ANKRD24: variants seen among roughly 807,000 people sequenced by gnomAD.
The protein encoded by ANKRD24 is ankyrin repeat domain-containing protein 24.
Under a neutral mutation model 127.8 loss-of-function variants are expected in ANKRD24, and 109 were observed. The observed-to-expected ratio is 0.85, with a 90% CI of 0.73 to 1.00. ANKRD24 has a LOEUF of 1.00. Ranked by LOEUF, ANKRD24 falls within the 50% of genes least tolerant of loss-of-function variation. ANKRD24 has a pLI of 0.00. For missense variants in ANKRD24, 1,648 were observed against 1,570.2 expected, an observed-to-expected ratio of 1.05 and a Z score of -0.84; for synonymous variants, 743 against 671.1, an observed-to-expected ratio of 1.11 and a Z score of -1.66.
intron 2 of ANKRD24, among the ~76,000 whole-genome samples, chr19:4,194,212 G>C (rs1968566956): frequency 6.6e-6 from 1 of 152,168 alleles, no homozygotes; most frequent in African/African-American, 2.4e-5. Context: ...ACCCAGGCTG[G>C]AGTGCTCTCA....
chr19:4,217,557 A>C lies in ANKRD24; in HGVS notation c.2397A>C (p.Arg799=), dbSNP rs1469445740. The change falls in exon 18 of 22, where the codon CGA becomes CGC. Residue 799 remains arginine, a synonymous_variant. Transcript: ENST00000318934. ...TGGAGCAGGCCCGGGAGGACCTCCG[A>C]GACCGGGACTCCCGCCTGCGGGAGC... ...AALEQAREDL[R]DRDSRLRELE... 8.4e-6 allele frequency: 11 copies of C among 1,316,110 alleles called. No individual in the cohort carries two copies. The highest frequency in any genetic ancestry group is 8.7e-6 in the Non-Finnish European group (9 of 1,037,526). 81.5% of individuals were successfully genotyped at this position (1,316,110 alleles called of 1,614,324 possible).
rs187701881 is a variant in ANKRD24 at position 4,187,461 on chromosome 19, T to G, written c.36+1000T>G. Among the ~76,000 whole-genome samples the G allele has an allele frequency of 3.1e-3, 476 of 152,090 alleles. 3 individuals carry two copies. The highest frequency in any genetic ancestry group is 0.011 in the African/African-American group (453 of 41,498). On this transcript the variant is annotated intron_variant, in intron 2 of 21. Transcript: ENST00000318934. ...GGGAAGGGGAGTGGGGGAGAGAGTT[T>G]GCAGGAATTGCATTCCAAGTGGCTG...
chr19:4,190,423 C>CG (rs1484271177), intron 2 of ANKRD24, among the ~76,000 whole-genome samples: 11 of 144,270 alleles, frequency 7.6e-5, no homozygotes, highest in African/African-American at 2.8e-4. Flanking sequence ...GACTCCGTCT[C>CG]GAAAAAAAAA....
chr19:4,202,529 C>T (rs949340088), intron 6 of ANKRD24, among the ~76,000 whole-genome samples: 2 of 152,082 alleles, frequency 1.3e-5, no homozygotes, highest in African/African-American at 4.8e-5. Context: ...GAGATCATGC[C>T]ATTGCACTCC....
intron 2 of ANKRD24, among the ~76,000 whole-genome samples, chr19:4,186,808 G>A (rs2145209753): frequency 6.6e-6 from 1 of 152,214 alleles, no homozygotes; most frequent in South Asian, 2.1e-4. Flanking sequence ...CTTTCCCGAG[G>A]ATCCTGATCT....
chr19:4,202,115 ACTCC>A, intron 6 of ANKRD24, 25 bp downstream of exon 6: 1 of 1,608,126 alleles, frequency 6.2e-7, no homozygotes, highest in South Asian at 1.1e-5. Flanking sequence ...TATCTCAGCT[ACTCC>A]CTTGGCCCCT....
chr19:4,202,133 A>G (rs751361619), intron 6 of ANKRD24, 43 bp downstream of exon 6: 82 of 1,564,768 alleles, frequency 5.2e-5, no homozygotes, highest in Non-Finnish European at 6.9e-5. Context: ...GGCCCCTACT[A>G]CTCCTGAGTT....
intron 7 of ANKRD24, 138 bp from the exon 8 acceptor site, chr19:4,207,100 TTTTG>T (rs1295592952): frequency 1.3e-5 from 7 of 543,946 alleles, no homozygotes; most frequent in Admixed American, 3.2e-5. Flanking sequence ...TTTTTTTTTT[TTTTG>T]TAGAGACAGG....
chr19:4,216,664 C>T lies in ANKRD24; in HGVS notation c.1504C>T (p.Gln502Ter), dbSNP rs1179696353. The stretch of plus-strand genomic sequence containing the variant: ...GGCCGAGTTTGACCAGCTACGCAGG[C>T]AGCACGCTGAGGCCCTGCAGGCCCT... ...LRAEFDQLRR[Q>*]HAEALQALRQ... The change falls in exon 18 of 22, where the codon CAG becomes TAG. Residue 502 changes from glutamine (Q) to a stop codon, truncating the protein, a stop_gained. Coordinates refer to ENST00000318934, the MANE Select transcript of ANKRD24 (RefSeq NM_001393985.1). LOFTEE classifies it high-confidence loss of function. The T allele has an allele frequency of 6.3e-7, 1 of 1,598,786 alleles. No homozygotes were observed. Among genetic ancestry groups the T allele is most frequent in the East Asian group, 2.3e-5 (1 of 44,276 alleles).
intron 15 of ANKRD24, among the ~76,000 whole-genome samples, 183 bp downstream of exon 15, chr19:4,212,881 C>T (rs944832416): frequency 1.3e-5 from 2 of 152,206 alleles, no homozygotes; most frequent in African/African-American, 2.4e-5. Flanking sequence ...GCCTGTCATC[C>T]CAGCACTTTG....
In ANKRD24 at chr19:4,199,688, G is replaced by T; in HGVS notation, c.42G>T (p.Arg14=). ...AGGACCACCTCCCCCTGCAGCTGCG[G>T]CTCAGCCCCACTGACCTTGGCTCCT... The part of the protein sequence containing the change: ...LRARFKKTEL[R]LSPTDLGSCP... Residue 14 remains arginine (R), a synonymous_variant, in exon 3 of 22, where the codon CGG becomes CGT. Coordinates refer to ENST00000318934, the MANE Select transcript of ANKRD24 (RefSeq NM_001393985.1). The surrounding 1 kb of genome is among the most constrained non-coding windows in gnomAD (Gnocchi z 5.2). 6.5e-7 allele frequency: 1 copy of T among 1,533,902 alleles called. No homozygotes were observed.
intron 17 of ANKRD24, 60 bp downstream of exon 17, chr19:4,216,462 G>A (rs1054781342): frequency 2.3e-5 from 35 of 1,555,310 alleles, no homozygotes; most frequent in Non-Finnish European, 3.0e-5. Flanking sequence ...CTGAGGTCAG[G>A]GTGGGCAGGG....
Position 4,217,730 on chromosome 19 carries a change from T to TGGCCACGGCCAG in ANKRD24, c.2579_2590dup (p.Ala860_Thr863dup), listed in dbSNP as rs1222277065. 1.5e-6 allele frequency: 2 copies of TGGCCACGGCCAG among 1,292,498 alleles called. No homozygotes were observed. Among genetic ancestry groups the TGGCCACGGCCAG allele is most frequent in the Non-Finnish European group, 9.8e-7 (1 of 1,024,498 alleles). 80.1% of individuals were successfully genotyped at this position (1,292,498 alleles called of 1,614,324 possible). A position where few individuals can be genotyped will look rare whatever the true frequency, so the allele number is the denominator to read the frequency against. On this transcript the variant is annotated inframe_insertion, in exon 18 of 22. Coordinates refer to ENST00000318934, the MANE Select transcript of ANKRD24 (RefSeq NM_001393985.1). ...GAGCTGGAGGTTCTGCGGGAGCAGC[T>TGGCCACGGCCAG]GGCCACGGCCAGGGCCACGGGGGAG...
intron 2 of ANKRD24, among the ~76,000 whole-genome samples, chr19:4,189,427 A>ATTTTTGT (rs1453596599): frequency 1.3e-5 from 2 of 149,986 alleles, no homozygotes; most frequent in African/African-American, 4.9e-5. Flanking sequence ...TTTTTTTTGT[A>ATTTTTGT]TTTTTAGTAG....
At chr19:4,211,184 T>C (rs1969717768) in intron 13 of ANKRD24, among the ~76,000 whole-genome samples, 1 of 152,186 alleles carries the variant, frequency 6.6e-6, no homozygotes, top group African/African-American at 2.4e-5. Flanking sequence ...ATCTGTTTTA[T>C]GTGTGTCCAC....
intron 7 of ANKRD24, among the ~76,000 whole-genome samples, chr19:4,206,357 A>G (rs921486272): frequency 6.6e-6 from 1 of 151,346 alleles, no homozygotes; most frequent in Non-Finnish European, 1.5e-5. Flanking sequence ...AGAATTAGCC[A>G]GGAGTGGTGG....
chr19:4,218,542 C>T (rs1319995868), intron 18 of ANKRD24, among the ~76,000 whole-genome samples: 9 of 152,002 alleles, frequency 5.9e-5, no homozygotes, highest in Non-Finnish European at 1.3e-4. Context: ...TCAGGTGATC[C>T]ACCCACCTCA....
chr19:4,223,501 G>A (rs112126365), intron 20 of ANKRD24, among the ~76,000 whole-genome samples: 3,329 of 148,142 alleles, frequency 0.022, 133 homozygotes, highest in African/African-American at 0.079. Context: ...CCCGGCTCCC[G>A]GGTTCAAGTG....
At chr19:4,189,598 C>G (rs529518546) in intron 2 of ANKRD24, among the ~76,000 whole-genome samples, 1 of 151,776 alleles carries the variant, frequency 6.6e-6, no homozygotes, top group Non-Finnish European at 1.5e-5. Context: ...GTTGTCCAGG[C>G]TGGTCTCAAA....
Sources: allele counts gnomAD v4.1 joint callset (sites outside exome capture counted in the v4.1 genomes callset), GRCh38; gene constraint gnomAD v4.1.1; non-coding constraint Gnocchi (gnomAD v3.1); transcripts MANE v1.5; gene names NCBI Gene and HGNC (gene_info 2026-07-23, HGNC 2026-07-21).